Variants in RAI1 observed in about 807,000 individuals in gnomAD.
RAI1 encodes retinoic acid induced 1.
Under a neutral mutation model 123.8 loss-of-function variants are expected in RAI1, and 9 were observed. That is an observed-to-expected ratio of 0.07 (90% CI 0.04 to 0.13). The LOEUF is 0.13. RAI1 is among the 10% of genes least tolerant of loss of function. RAI1 has a pLI of 1.00. For missense variants in RAI1, 2,256 were observed against 2,545.8 expected, an observed-to-expected ratio of 0.89 and a Z score of 2.45; for synonymous variants, 1,231 against 1,127.3, an observed-to-expected ratio of 1.09 and a Z score of -1.84.
intron 2 of RAI1, among the ~76,000 whole-genome samples, chr17:17,748,780 G>C (rs757188587): frequency 6.6e-6 from 1 of 152,158 alleles, no homozygotes; most frequent in Non-Finnish European, 1.5e-5. Flanking sequence ...GAGCAGAGGC[G>C]AGCCTGAAAG....
At position 17,809,605 on chromosome 17, in the gene RAI1, G is replaced by A. The variant is rs945010964; in HGVS notation, c.5709+166G>A. Reference sequence around the variant, plus strand: ...CCCACCCCCAGGAGCCCCCGCCGCCGTCCAGCTCAGGTCCCTGTCCACTTG... The same window carrying A: ...CCCACCCCCAGGAGCCCCCGCCGCCATCCAGCTCAGGTCCCTGTCCACTTG... On this transcript the variant is annotated intron_variant, in intron 5 of 5. Transcript: ENST00000353383. The surrounding 1 kb of genome is among the most constrained non-coding windows in gnomAD (Gnocchi z 4.9). 1.3e-5 allele frequency among the ~76,000 whole-genome samples: 2 copies of A among 151,718 alleles called. No individual in the cohort carries two copies. The highest frequency in any genetic ancestry group is 1.5e-5 in the Non-Finnish European group (1 of 67,900).
chr17:17,748,574 G>T (rs1050882996), intron 2 of RAI1, among the ~76,000 whole-genome samples: 6 of 152,244 alleles, frequency 3.9e-5, no homozygotes, highest in African/African-American at 1.4e-4. Flanking sequence ...GTAAGCTAAG[G>T]ATCAGAGAGG....
At chr17:17,706,459 G>T (rs576347151) in intron 1 of RAI1, among the ~76,000 whole-genome samples, 1 of 152,218 alleles carries the variant, frequency 6.6e-6, no homozygotes, top group South Asian at 2.1e-4. Context: ...CTGGGCCAAG[G>T]ATCCAGGTGG....
At chr17:17,711,281 G>A (rs1365083294) in intron 1 of RAI1, among the ~76,000 whole-genome samples, 1 of 152,194 alleles carries the variant, frequency 6.6e-6, no homozygotes, top group Non-Finnish European at 1.5e-5. Flanking sequence ...AGCACCCCTG[G>A]AGCACCCGTC....
Position 17,800,285 on chromosome 17 carries a change from AAAT to A in RAI1, c.5565+1778_5565+1780del, listed in dbSNP as rs1211572014. Among the ~76,000 whole-genome samples, 44 of 150,394 alleles carry A rather than the reference AAAT, an allele frequency of 2.9e-4. No individual in the cohort carries two copies. Among genetic ancestry groups the A allele is most frequent in the African/African-American group, 1.0e-3 (41 of 40,874 alleles). On this transcript the variant is annotated intron_variant, in intron 3 of 5. Transcript: ENST00000353383. The surrounding 1 kb of genome is among the most constrained non-coding windows in gnomAD (Gnocchi z 4.7). The stretch of plus-strand genomic sequence containing the variant: ...GGTTCAAGTCTCTCCCGTCATCAAA[AAAT>A]AATAACCCTCAGATCACCAGCCCCA...
In RAI1 at chr17:17,797,723, C is replaced by T. The variant is rs1344074045; in HGVS notation, c.4775C>T (p.Thr1592Ile). The change falls in exon 3 of 6, where the codon ACC (threonine) becomes ATC (isoleucine). Residue 1592 changes from threonine to isoleucine, a missense_variant. Thr to Ile is a moderately conservative substitution (Grantham distance 89). Coordinates refer to ENST00000353383, the MANE Select transcript of RAI1 (RefSeq NM_030665.4). ...AAGCGGCTGAGGTCAGACAGCCGGA[C>T]CCCCGCCTTCTCACCCTTCGTGCGG... is the stretch of plus-strand genomic sequence containing the variant. ...SCKRLRSDSR[T>I]PAFSPFVRVE... 6.2e-7 allele frequency: 1 copy of T among 1,613,752 alleles called. No homozygotes were observed. The highest frequency in any genetic ancestry group is 1.7e-5 in the Admixed American group (1 of 60,024).
intron 1 of RAI1, among the ~76,000 whole-genome samples, chr17:17,710,240 A>G (rs1915525183): frequency 6.6e-6 from 1 of 152,162 alleles, no homozygotes; most frequent in Non-Finnish European, 1.5e-5. Flanking sequence ...TTTAGCCACA[A>G]AAAAAGAGCA....
At chr17:17,802,024 C>A in intron 3 of RAI1, 1 of 469,308 alleles carries the variant, frequency 2.1e-6, no homozygotes, top group Non-Finnish European at 4.4e-6. Flanking sequence ...TTCTCTACCT[C>A]ACCCCCCGCC....
intron 2 of RAI1, among the ~76,000 whole-genome samples, chr17:17,755,822 C>T (rs767321418): frequency 3.9e-5 from 6 of 152,214 alleles, no homozygotes; most frequent in African/African-American, 9.7e-5. Context: ...CTGTCAAGCC[C>T]GCCTTCTCTT....
intron 2 of RAI1, among the ~76,000 whole-genome samples, chr17:17,729,771 GAC>G (rs1916211075): frequency 2.0e-5 from 3 of 152,170 alleles, no homozygotes. Context: ...TCTGGGGAGG[GAC>G]ACACACTGTC....
At chr17:17,752,680 G>A (rs940188516) in intron 2 of RAI1, among the ~76,000 whole-genome samples, 20 of 152,280 alleles carry the variant, frequency 1.3e-4, no homozygotes, top group African/African-American at 4.3e-4. Flanking sequence ...CCCGGGGGCC[G>A]ACCACCTTAC....
In RAI1 at chr17:17,797,257, C is replaced by G. The variant is rs199614154; in HGVS notation, c.4309C>G (p.Pro1437Ala). ...EAFTSPEALQPGGTALAPKKR... is the reference protein window; with the variant it reads ...EAFTSPEALQAGGTALAPKKR... ...CTTCACATCCCCGGAGGCCCTGCAG[C>G]CTGGGGGGACTGCCCTGGCGCCTAA... is the stretch of plus-strand genomic sequence containing the variant. The change falls in exon 3 of 6, where the codon CCT (proline) becomes GCT (alanine). Residue 1437 changes from proline (P) to alanine (A), a missense_variant. By Grantham distance (27) the Pro-to-Ala change is conservative (BLOSUM62 -1). Coordinates refer to ENST00000353383, the MANE Select transcript of RAI1 (RefSeq NM_030665.4). 44 of 1,613,262 alleles carry G rather than the reference C, an allele frequency of 2.7e-5. No homozygotes were observed. In the East Asian group the frequency reaches 9.4e-4, roughly 34 times the overall value.
At position 17,723,545 on chromosome 17, in the gene RAI1, AC is replaced by A. The variant is rs577444463; in HGVS notation, c.-148-477del. On this transcript the variant is annotated intron_variant, in intron 1 of 5. Coordinates refer to ENST00000353383, the MANE Select transcript of RAI1 (RefSeq NM_030665.4). ...CGCGCGCGCGCACTCTTACACTCAC[AC>A]CCCCCGTCCCTAAGCGCGTCGGAGC... Among the ~76,000 whole-genome samples the A allele has an allele frequency of 6.6e-4, 74 of 111,376 alleles. 1 individual carries two copies. The South Asian group carries it at 0.015, about 22-fold the overall frequency. 73.1% of individuals were successfully genotyped at this position (111,376 alleles called of 152,430 possible). A position where few individuals can be genotyped will look rare whatever the true frequency, so the allele number is the denominator to read the frequency against.
intron 1 of RAI1, among the ~76,000 whole-genome samples, chr17:17,690,210 A>AC (rs1914789731): frequency 6.6e-6 from 1 of 151,822 alleles, no homozygotes; most frequent in South Asian, 2.1e-4. Flanking sequence ...ACATGGTGAA[A>AC]CCCCATCTCT....
At chr17:17,764,279 A>T (rs930616046) in intron 2 of RAI1, among the ~76,000 whole-genome samples, 5 of 152,184 alleles carry the variant, frequency 3.3e-5, no homozygotes, top group Non-Finnish European at 5.9e-5. Flanking sequence ...AGCACGAATC[A>T]TAGGTGGACA....
intron 1 of RAI1, among the ~76,000 whole-genome samples, chr17:17,709,285 G>A (rs993591040): frequency 2.6e-5 from 4 of 152,180 alleles, no homozygotes; most frequent in South Asian, 2.1e-4. Context: ...CTGGCCATGC[G>A]GCTTTGCTGT....
At chr17:17,728,480 A>G (rs62064086) in intron 2 of RAI1, among the ~76,000 whole-genome samples, 22,311 of 152,172 alleles carry the variant, frequency 0.15, 1,836 homozygotes, top group East Asian at 0.31. Context: ...AGAGGATGCA[A>G]AATGGGGTAG....
chr17:17,684,788 C>T (rs1184873023), intron 1 of RAI1: 9 of 150,472 alleles, frequency 6.0e-5, no homozygotes, highest in Non-Finnish European at 1.2e-4. Context: ...GTGGGCTCTT[C>T]CTCGGCAGCT....
intron 4 of RAI1, among the ~76,000 whole-genome samples, chr17:17,804,682 CAG>C (rs1185984743): frequency 3.3e-5 from 5 of 152,094 alleles, no homozygotes; most frequent in Non-Finnish European, 5.9e-5. Context: ...TTGTTTGAGA[CAG>C]AGTTTTGCTC....
Sources: gnomAD v4.1 joint callset for allele counts (sites outside exome capture counted in the v4.1 genomes callset) on GRCh38, gnomAD v4.1.1 for gene constraint, Gnocchi (gnomAD v3.1) non-coding constraint, MANE v1.5 for transcripts, NCBI Gene and HGNC (gene_info 2026-07-23, HGNC 2026-07-21) for gene names.